INTS2: variants seen among roughly 807,000 people sequenced by gnomAD.
INTS2 encodes integrator complex subunit 2, also known as KIAA1287.
Under a neutral mutation model 139.6 loss-of-function variants are expected in INTS2, and 57 were observed. That is an observed-to-expected ratio of 0.41 (90% CI 0.33 to 0.51). INTS2 has a LOEUF of 0.51. INTS2 is among the 20% of genes least tolerant of loss of function. INTS2 has a pLI of 0.28. For synonymous variants in INTS2, 473 were observed against 493.4 expected (o/e 0.96, Z 0.55); for missense variants, 1,196 against 1,436.7 (o/e 0.83, Z 2.71).
intron 9 of INTS2, among the ~76,000 whole-genome samples, chr17:61,903,545 T>C (rs1355237257): frequency 1.3e-5 from 2 of 151,928 alleles, no homozygotes; most frequent in Non-Finnish European, 2.9e-5. Context: ...GACTGTCTAA[T>C]GAGTCAAAAC....
At position 61,911,588 on chromosome 17, in the gene INTS2, C is replaced by G; in HGVS notation, c.886G>C (p.Gly296Arg). The G allele has an allele frequency of 1.9e-6, 3 of 1,613,958 alleles. No individual in the cohort carries two copies. The highest frequency in any genetic ancestry group is 2.5e-6 in the Non-Finnish European group (3 of 1,179,882). Residue 296 changes from glycine to arginine, a missense_variant, in exon 7 of 25, where the codon GGT becomes CGT. Gly to Arg is a moderately radical substitution (Grantham distance 125). Coordinates refer to ENST00000251334, the MANE Select transcript of INTS2 (RefSeq NM_001351695.2). ...TTCGCATTTGTTCCAAGAAGCAAAC[C>G]ACTTACAAAACAAACCAAGTCACTC... is the stretch of plus-strand genomic sequence containing the variant. ...GVSDLVCFVSGLLLGTNAKVR... is the reference protein window; with the variant it reads ...GVSDLVCFVSRLLLGTNAKVR...
At position 61,865,783 on chromosome 17, in the gene INTS2, T is replaced by G. The variant is rs2079040137; in HGVS notation, c.*1774A>C. The G allele has an allele frequency of 6.6e-6, 1 of 152,246 alleles. No homozygotes were observed. Among genetic ancestry groups the G allele is most frequent in the African/African-American group, 2.4e-5 (1 of 41,466 alleles). The allele number at this position is 152,246 out of a possible 1,614,324, so 9.4% of individuals were successfully genotyped here. On this transcript the variant is annotated 3_prime_UTR_variant, in exon 25 of 25. Coordinates refer to ENST00000251334, the MANE Select transcript of INTS2 (RefSeq NM_001351695.2). This position sits in a 1 kb window ranked among gnomAD's most constrained non-coding sequence, Gnocchi z 4.8. ...TTGTTTAAAAATATGAAAATTCTTA[T>G]GCTATTTTTAAGATACTTTTATTAC... is the stretch of plus-strand genomic sequence containing the variant.
In INTS2 at chr17:61,873,098, G is replaced by A. The variant is rs2079101721; in HGVS notation, c.2583-638C>T. 6.6e-6 allele frequency among the ~76,000 whole-genome samples: 1 copy of A among 152,132 alleles called. No homozygotes were observed. The highest frequency in any genetic ancestry group is 2.1e-4 in the South Asian group (1 of 4,830). On this transcript the variant is annotated intron_variant, in intron 19 of 24. Coordinates refer to ENST00000251334, the MANE Select transcript of INTS2 (RefSeq NM_001351695.2). The surrounding 1 kb of genome is among the most constrained non-coding windows in gnomAD (Gnocchi z 4.0). ...TAATTCCATTTTCCCATGTTCTAAT[G>A]AAATACTCAGCATGGGGAAATGCAC...
chr17:61,885,022 G>A lies in INTS2; in HGVS notation c.1985-17C>T. On this transcript the variant is annotated splice_polypyrimidine_tract_variant and intron_variant, in intron 15 of 24. Transcript: ENST00000251334. Reference sequence around the variant, plus strand: ...GCATGGCAGCTATCAAAGATAAAAAGTGTAAAATAAATAAAATGTCCAGAA... The same window carrying A: ...GCATGGCAGCTATCAAAGATAAAAAATGTAAAATAAATAAAATGTCCAGAA... The A allele has an allele frequency of 1.3e-6, 2 of 1,483,946 alleles. No homozygotes were observed. The highest frequency in any genetic ancestry group is 1.8e-6 in the Non-Finnish European group (2 of 1,082,894). The allele number at this position is 1,483,946 out of a possible 1,614,324, so 91.9% of individuals were successfully genotyped here. A position where few individuals can be genotyped will look rare whatever the true frequency, so the allele number is the denominator to read the frequency against.
At position 61,873,937 on chromosome 17, in the gene INTS2, C is replaced by T. The variant is rs2079108274; in HGVS notation, c.2582+976G>A. On this transcript the variant is annotated intron_variant, in intron 19 of 24. Transcript: ENST00000251334. The surrounding 1 kb of genome is among the most constrained non-coding windows in gnomAD (Gnocchi z 4.0). ...TAAAATGTTCTCTTTTCAAAAATAA[C>T]CCTCTTCACGGCTTCCTCATTCTTG... is the stretch of plus-strand genomic sequence containing the variant. The T allele has an allele frequency of 1.3e-5, 2 of 152,176 alleles. No homozygotes were observed. The highest frequency in any genetic ancestry group is 2.9e-5 in the Non-Finnish European group (2 of 68,040). 9.4% of individuals were successfully genotyped at this position (152,176 alleles called of 1,614,324 possible). A position where few individuals can be genotyped will look rare whatever the true frequency, so the allele number is the denominator to read the frequency against.
chr17:61,868,911 A>G lies in INTS2; in HGVS notation c.3244+123T>C. 1 of 610,662 alleles carries G rather than the reference A, an allele frequency of 1.6e-6. No individual in the cohort carries two copies. 37.8% of individuals were successfully genotyped at this position (610,662 alleles called of 1,614,324 possible). A position where few individuals can be genotyped will look rare whatever the true frequency, so the allele number is the denominator to read the frequency against. On this transcript the variant is annotated intron_variant, in intron 23 of 24. Transcript: ENST00000251334. The surrounding 1 kb of genome is among the most constrained non-coding windows in gnomAD (Gnocchi z 4.7). ...GACGGCATAAGTTAAACTAGTATTTAACACATATTGTATCATACTGTCTCA... is the reference window on the plus strand; with the variant it reads ...GACGGCATAAGTTAAACTAGTATTTGACACATATTGTATCATACTGTCTCA...
chr17:61,878,778 CA>C (rs1363924525), intron 17 of INTS2, among the ~76,000 whole-genome samples: 1 of 151,450 alleles, frequency 6.6e-6, no homozygotes, highest in East Asian at 1.9e-4. Flanking sequence ...CACATCTCTA[CA>C]AAAAGTAAAA....
At position 61,867,677 on chromosome 17, in the gene INTS2, T is replaced by C. The variant is rs768187449; in HGVS notation, c.3471A>G (p.Lys1157=). ...EKPSGWSQIC[K]DSSYKNGSRD... is the part of the protein sequence containing the mutation. ...TGGATCCATTTTTATAAGATGAATC[T>C]TTACAGATTTGAGACCATCCACTTG... The change falls in exon 25 of 25, where the codon AAA becomes AAG. Residue 1157 remains lysine (K), a synonymous_variant. Transcript: ENST00000251334. This position sits in a 1 kb window ranked among gnomAD's most constrained non-coding sequence, Gnocchi z 5.6. 1.9e-5 allele frequency: 31 copies of C among 1,612,304 alleles called. No individual in the cohort carries two copies. Among genetic ancestry groups the C allele is most frequent in the Non-Finnish European group, 3.4e-6 (4 of 1,178,970 alleles).
At chr17:61,888,444 G>A (rs2079251769) in intron 15 of INTS2, among the ~76,000 whole-genome samples, 1 of 152,114 alleles carries the variant, frequency 6.6e-6, no homozygotes, top group Non-Finnish European at 1.5e-5. Context: ...TCAAATACAG[G>A]AAAAGATACC....
rs1339861554 is a variant in INTS2 at position 61,872,196 on chromosome 17, A to G, written c.2778+69T>C. On this transcript the variant is annotated intron_variant, in intron 20 of 24. Transcript: ENST00000251334. The surrounding 1 kb of genome is among the most constrained non-coding windows in gnomAD (Gnocchi z 4.8). ...ACATGGAGCGCACAATGTGCCATCT[A>G]TTGAACTGATTATACTAGTAGAGAA... is the stretch of plus-strand genomic sequence containing the variant. 6.1e-6 allele frequency: 6 copies of G among 989,740 alleles called. No individual in the cohort carries two copies. Among genetic ancestry groups the G allele is most frequent in the Non-Finnish European group, 9.1e-6 (6 of 660,096 alleles). 61.3% of individuals were successfully genotyped at this position (989,740 alleles called of 1,614,324 possible).
At chr17:61,904,356 C>A (rs1027292054) in intron 9 of INTS2, 104 bp downstream of exon 9, 4 of 816,484 alleles carry the variant, frequency 4.9e-6, no homozygotes, top group East Asian at 2.7e-5. Context: ...ACTGTCCATA[C>A]CTAGACCAGC....
At chr17:61,911,772 A>G (rs1366930533) in intron 6 of INTS2, 79 bp from the exon 7 acceptor site, 3 of 1,476,544 alleles carry the variant, frequency 2.0e-6, no homozygotes, top group Non-Finnish European at 2.8e-6. Context: ...TAAAGTATCT[A>G]AAGTTTAGAG....
At chr17:61,922,587 T>TA (rs2143175781) in intron 3 of INTS2, among the ~76,000 whole-genome samples, 1 of 132,720 alleles carries the variant, frequency 7.5e-6, no homozygotes, top group East Asian at 2.5e-4. Context: ...AACAAAGAAT[T>TA]AAAGTTTAGA....
rs951565654 is a variant in INTS2, at chr17:61,875,798, G to A, written c.2457-760C>T. On this transcript the variant is annotated intron_variant, in intron 18 of 24. Coordinates refer to ENST00000251334, the MANE Select transcript of INTS2 (RefSeq NM_001351695.2). The surrounding 1 kb of genome is among the most constrained non-coding windows in gnomAD (Gnocchi z 4.6). ...TTTTCGAACTATTAATATCCTAAAA[G>A]AATAAAGTATTTTATACATGAAACA... Among the ~76,000 whole-genome samples, 1 of 152,046 alleles carries A rather than the reference G, an allele frequency of 6.6e-6. No homozygotes were observed. The highest frequency in any genetic ancestry group is 1.5e-5 in the Non-Finnish European group (1 of 68,004).
At chr17:61,922,008 ATTAT>A (rs2079646710) in intron 3 of INTS2, among the ~76,000 whole-genome samples, 181 bp from the exon 4 acceptor site, 1 of 152,202 alleles carries the variant, frequency 6.6e-6, no homozygotes, top group African/African-American at 2.4e-5. Flanking sequence ...AGTCATGTTA[ATTAT>A]TATTCAGATA....
At chr17:61,923,864 G>A (rs964127479) in intron 3 of INTS2, among the ~76,000 whole-genome samples, 1 of 152,082 alleles carries the variant, frequency 6.6e-6, no homozygotes, top group Non-Finnish European at 1.5e-5. Flanking sequence ...TGTTGGTCAG[G>A]CTGGTCTTGA....
intron 16 of INTS2, among the ~76,000 whole-genome samples, chr17:61,881,457 C>A (rs112516380): frequency 3.9e-5 from 6 of 152,208 alleles, no homozygotes; most frequent in African/African-American, 1.2e-4. Context: ...ATTAGCCGGG[C>A]GTGTTGTTGG....
At chr17:61,903,470 T>C (rs911228689) in intron 9 of INTS2, among the ~76,000 whole-genome samples, 8 of 151,962 alleles carry the variant, frequency 5.3e-5, no homozygotes, top group Non-Finnish European at 7.4e-5. Flanking sequence ...CTACCAGGTA[T>C]ACCTGGTAAC....
chr17:61,913,278 T>C (rs886668688), intron 5 of INTS2, among the ~76,000 whole-genome samples: 2 of 149,672 alleles, frequency 1.3e-5, no homozygotes, highest in African/African-American at 4.9e-5. Context: ...GAGGCGGAGG[T>C]TGCCGTGAGC....
Sources: gnomAD v4.1 joint callset for allele counts (sites outside exome capture counted in the v4.1 genomes callset) on GRCh38, gnomAD v4.1.1 for gene constraint, Gnocchi (gnomAD v3.1) non-coding constraint, MANE v1.5 for transcripts, NCBI Gene and HGNC (gene_info 2026-07-23, HGNC 2026-07-21) for gene names.